CDC42SE2: variants seen among roughly 807,000 people sequenced by gnomAD.
CDC42SE2 encodes CDC42 small effector 2.
A neutral mutation model predicts 11.5 loss-of-function variants in CDC42SE2; 3 were observed. The ratio of observed to expected loss-of-function variants is 0.26; its 90% confidence interval spans 0.12 to 0.67. CDC42SE2 has a LOEUF of 0.67. Among genes scored for constraint, CDC42SE2 ranks in the 30% least tolerant of loss-of-function variants. The pLI is 0.80. For missense variants in CDC42SE2, 82 were observed against 106.8 expected (o/e 0.77, Z 1.02); for synonymous variants, 33 against 34.8 (o/e 0.95, Z 0.18).
intron 1 of CDC42SE2, among the ~76,000 whole-genome samples, chr5:131,312,307 G>T (rs998561348): frequency 6.6e-6 from 1 of 152,114 alleles, no homozygotes; most frequent in African/African-American, 2.4e-5. Flanking sequence ...CCGTTCTCAG[G>T]TCTCCAGCTG....
chr5:131,290,379 C>T (rs538199798), intron 1 of CDC42SE2, among the ~76,000 whole-genome samples: 4 of 151,626 alleles, frequency 2.6e-5, no homozygotes, highest in African/African-American at 7.3e-5. Flanking sequence ...TAATTGGTAT[C>T]GTGTATTTAT....
intron 1 of CDC42SE2, among the ~76,000 whole-genome samples, chr5:131,292,107 C>T (rs576986554): frequency 8.6e-5 from 13 of 151,486 alleles, no homozygotes; most frequent in Middle Eastern, 3.4e-3. Flanking sequence ...GGCATGGTGG[C>T]GCATGCCTGT....
At chr5:131,232,265 C>T in the CDC42SE2 span, among the ~76,000 whole-genome samples, 2 of 151,944 alleles carry the variant, frequency 1.3e-5, no homozygotes, top group African/African-American at 4.8e-5. Context: ...AGGCGTTCAC[C>T]ACTGTGTCCT....
chr5:131,336,801 T>A (rs548641797), intron 2 of CDC42SE2, among the ~76,000 whole-genome samples: 1 of 152,238 alleles, frequency 6.6e-6, no homozygotes, highest in Admixed American at 6.5e-5. Flanking sequence ...ATAGTCCTTG[T>A]GCTGTGGTTT....
intron 3 of CDC42SE2, among the ~76,000 whole-genome samples, chr5:131,383,955 C>G (rs1750398402): frequency 6.6e-6 from 1 of 152,168 alleles, no homozygotes; most frequent in Non-Finnish European, 1.5e-5. Context: ...AGATTATAGA[C>G]ACACACATGT....
At chr5:131,309,297 C>G (rs1248663837) in intron 1 of CDC42SE2, among the ~76,000 whole-genome samples, 1 of 150,672 alleles carries the variant, frequency 6.6e-6, no homozygotes, top group East Asian at 1.9e-4. Flanking sequence ...GGATGAAGCC[C>G]ACTTGATCAT....
chr5:131,313,424 GT>G (rs951936392), intron 1 of CDC42SE2, among the ~76,000 whole-genome samples: 1 of 152,082 alleles, frequency 6.6e-6, no homozygotes, highest in Non-Finnish European at 1.5e-5. Flanking sequence ...GTGCTTTTGT[GT>G]TTTAGTTTAC....
chr5:131,256,028 TTC>T (rs1756677328), intron 2 of CDC42SE2, among the ~76,000 whole-genome samples: 1 of 152,186 alleles, frequency 6.6e-6, no homozygotes, highest in African/African-American at 2.4e-5. Context: ...CTAGAGACCA[TTC>T]TCTTTTTACT....
rs562186503 is a variant in CDC42SE2 at position 131,380,662 on chromosome 5, C to A, written c.55-4881C>A. ...TCAGGAACCTTGTAAGGTTGACAAT[C>A]CATTTTCTTTTTCCTTCTTTTTCTG... On this transcript the variant is annotated intron_variant, in intron 3 of 4. Coordinates refer to ENST00000505065, the MANE Select transcript of CDC42SE2 (RefSeq NM_001375635.1). Among the ~76,000 whole-genome samples, 251 of 152,280 alleles carry A rather than the reference C, an allele frequency of 1.6e-3. 3 individuals carry two copies. Among genetic ancestry groups the A allele is most frequent in the African/African-American group, 5.9e-3 (247 of 41,560 alleles).
intron 2 of CDC42SE2, among the ~76,000 whole-genome samples, chr5:131,352,328 A>G (rs973137081): frequency 6.6e-6 from 1 of 152,234 alleles, no homozygotes; most frequent in Non-Finnish European, 1.5e-5. Context: ...AACAGATTGT[A>G]TAATATCCAT....
intron 1 of CDC42SE2, among the ~76,000 whole-genome samples, chr5:131,267,357 A>G (rs1252907908): frequency 6.6e-6 from 1 of 152,006 alleles, no homozygotes; most frequent in African/African-American, 2.4e-5. Context: ...ACGCCAGGCC[A>G]TAATTTTTTT....
chr5:131,263,625 C>T (rs1756779208), upstream of CDC42SE2: 3 of 151,456 alleles, frequency 2.0e-5, no homozygotes, highest in Non-Finnish European at 4.4e-5. Flanking sequence ...AACCGCTCAG[C>T]ACCCACCCAC....
chr5:131,316,995 CT>C (rs1758055010), intron 2 of CDC42SE2, among the ~76,000 whole-genome samples: 1 of 152,150 alleles, frequency 6.6e-6, no homozygotes, highest in Non-Finnish European at 1.5e-5. Flanking sequence ...GTTTATATTC[CT>C]ATTGTATCTG....
At chr5:131,389,455 C>CT (rs1385360286) in intron 4 of CDC42SE2, among the ~76,000 whole-genome samples, 9 of 152,096 alleles carry the variant, frequency 5.9e-5, no homozygotes, top group African/African-American at 1.9e-4. Context: ...TAAGATGTTC[C>CT]ATGTAAGTAA....
At position 131,347,639 on chromosome 5, in the gene CDC42SE2, A is replaced by G. The variant is rs185683310; in HGVS notation, c.-285-11570A>G. 8.5e-5 allele frequency among the ~76,000 whole-genome samples: 13 copies of G among 152,338 alleles called. No homozygotes were observed. In the East Asian group the frequency reaches 9.6e-4, roughly 11 times the overall value. ...ATAGAAAAAGAGGGAATCTTCCCCA[A>G]TTCATTTTATGAGGTCAACATCATC... On this transcript the variant is annotated intron_variant, in intron 2 of 4. Transcript: ENST00000505065.
chr5:131,309,440 T>G (rs1394624219), intron 1 of CDC42SE2, among the ~76,000 whole-genome samples: 1 of 152,176 alleles, frequency 6.6e-6, no homozygotes, highest in Non-Finnish European at 1.5e-5. Flanking sequence ...GGCGTTGGTA[T>G]CAGAATGATG....
At chr5:131,352,947 A>G (rs1749390957) in intron 2 of CDC42SE2, among the ~76,000 whole-genome samples, 1 of 151,796 alleles carries the variant, frequency 6.6e-6, no homozygotes, top group South Asian at 2.1e-4. Context: ...ATCTTCCTCA[A>G]TTCATTATTA....
chr5:131,347,723 T>A (rs141875295), intron 2 of CDC42SE2, among the ~76,000 whole-genome samples: 1,590 of 152,278 alleles, frequency 0.01, 77 homozygotes, highest in East Asian at 0.04. Flanking sequence ...CCAATATCCC[T>A]GATGAACATC....
chr5:131,216,237 C>T, the CDC42SE2 span, among the ~76,000 whole-genome samples: 10 of 152,140 alleles, frequency 6.6e-5, no homozygotes, highest in Admixed American at 6.5e-4. Flanking sequence ...CACCTCACGC[C>T]TGTAATCCCA....
Sources: allele counts gnomAD v4.1 joint callset (sites outside exome capture counted in the v4.1 genomes callset), GRCh38; gene constraint gnomAD v4.1.1; transcripts MANE v1.5; gene names NCBI Gene and HGNC (gene_info 2026-07-23, HGNC 2026-07-21).